The following SAP30BP variants were observed in gnomAD, a reference collection of about 807,000 sequenced individuals.
The protein encoded by SAP30BP is SAP30-binding protein.
SAP30BP carries 31 observed loss-of-function variants against 46.3 expected under a neutral mutation model. The ratio of observed to expected loss-of-function variants is 0.67; its 90% confidence interval spans 0.50 to 0.90. The LOEUF is 0.90. SAP30BP is among the 40% of genes least tolerant of loss of function. The pLI is 0.00. For synonymous variants in SAP30BP, 169 were observed against 144.2 expected (o/e 1.17, Z -1.23); for missense variants, 312 against 391.0 (o/e 0.80, Z 1.70).
At position 75,689,045 on chromosome 17, in the gene SAP30BP, G is replaced by A. The variant is rs187205096; in HGVS notation, c.265-4395G>A. ...GGGTGCAGGCAGAGGAGGAGACCTC[G>A]GCTCAGATTGGTGTCCTCCACCAGC... On this transcript the variant is annotated intron_variant, in intron 3 of 10. Coordinates refer to ENST00000584667, the MANE Select transcript of SAP30BP (RefSeq NM_013260.8). Among the ~76,000 whole-genome samples the A allele has an allele frequency of 3.3e-3, 508 of 152,198 alleles. 4 individuals are homozygous for A. Among genetic ancestry groups the A allele is most frequent in the Non-Finnish European group, 5.1e-3 (345 of 67,994 alleles).
At chr17:75,680,596 A>G (rs934907379) in intron 3 of SAP30BP, among the ~76,000 whole-genome samples, 2 of 152,210 alleles carry the variant, frequency 1.3e-5, no homozygotes, top group Non-Finnish European at 2.9e-5. Flanking sequence ...GCAGTATACA[A>G]TGCACTTGTT....
At chr17:75,690,090 A>T (rs2060220167) in intron 3 of SAP30BP, among the ~76,000 whole-genome samples, 1 of 152,336 alleles carries the variant, frequency 6.6e-6, no homozygotes, top group South Asian at 2.1e-4. Context: ...CATGTAACAG[A>T]CCTGCACATA....
intron 4 of SAP30BP, among the ~76,000 whole-genome samples, chr17:75,696,349 G>A (rs909466811): frequency 1.3e-5 from 2 of 149,852 alleles, no homozygotes; most frequent in African/African-American, 2.5e-5. Context: ...CCTGGCCAGC[G>A]TGGTGAAACC....
intron 3 of SAP30BP, among the ~76,000 whole-genome samples, chr17:75,672,324 G>A (rs559149851): frequency 6.6e-6 from 1 of 152,330 alleles, no homozygotes; most frequent in Admixed American, 6.5e-5. Context: ...CAGGGATGGT[G>A]GGTCTAATGC....
chr17:75,686,332 G>A (rs820223), intron 3 of SAP30BP, among the ~76,000 whole-genome samples: 149,610 of 152,110 alleles, frequency 0.98, 73,634 homozygotes, highest in East Asian at 1. Context: ...CCTGGCTAAC[G>A]AGGTGAAACC....
intron 5 of SAP30BP, among the ~76,000 whole-genome samples, chr17:75,701,062 C>T (rs533315696): frequency 6.6e-6 from 1 of 152,272 alleles, no homozygotes; most frequent in South Asian, 2.1e-4. Flanking sequence ...TCTTCAGTCT[C>T]GGCTGAAGTC....
At position 75,667,342 on chromosome 17, in the gene SAP30BP, G is replaced by T. The variant is rs2059803670; in HGVS notation, c.-31G>T. ...CGGAAGTCGGCGTCTTGAGTCATAG[G>T]AGTGAGCCACGCCCGGGCTGTGGGA... On this transcript the variant is annotated 5_prime_UTR_variant, in exon 1 of 11. Coordinates refer to ENST00000584667, the MANE Select transcript of SAP30BP (RefSeq NM_013260.8). The T allele has an allele frequency of 6.2e-7, 1 of 1,606,752 alleles. No individual in the cohort carries two copies.
At chr17:75,693,325 TC>T (rs2060267129) in intron 3 of SAP30BP, 114 bp from the exon 4 acceptor site, 4 of 840,196 alleles carry the variant, frequency 4.8e-6, no homozygotes, top group Non-Finnish European at 7.9e-6. Context: ...CCCTTAGTGT[TC>T]CTGGCAGTGC....
chr17:75,686,581 A>G (rs820222), intron 3 of SAP30BP, among the ~76,000 whole-genome samples: 148,869 of 152,234 alleles, frequency 0.98, 72,835 homozygotes, highest in East Asian at 1. Flanking sequence ...GAGCCTTCCC[A>G]TCAGCAAGTG....
chr17:75,682,774 C>A (rs8076675), intron 3 of SAP30BP, among the ~76,000 whole-genome samples: 1 of 146,622 alleles, frequency 6.8e-6, no homozygotes, highest in Non-Finnish European at 1.5e-5. Flanking sequence ...CCATCCTGGC[C>A]AACATAGTGA....
chr17:75,706,235 C>A lies in SAP30BP; in HGVS notation c.746-105C>A. On this transcript the variant is annotated intron_variant, in intron 10 of 10. Coordinates refer to ENST00000584667, the MANE Select transcript of SAP30BP (RefSeq NM_013260.8). This position sits in a 1 kb window ranked among gnomAD's most constrained non-coding sequence, Gnocchi z 4.6. ...AAGCACCTTTGGAGTCTGGGGTGGG[C>A]CACTTCGGGGTCTGCTCCCTAGACT... is the stretch of plus-strand genomic sequence containing the variant. 1 of 1,545,458 alleles carries A rather than the reference C, an allele frequency of 6.5e-7. No individual in the cohort carries two copies.
chr17:75,702,864 C>A, intron 6 of SAP30BP: 1 of 317,478 alleles, frequency 3.1e-6, no homozygotes, highest in East Asian at 5.4e-5. Context: ...CCTCTCAAGT[C>A]CCCTGTCCTC....
In SAP30BP at chr17:75,703,834, T is replaced by C. The variant is rs1346676870; in HGVS notation, c.576T>C (p.Ser192=). Residue 192 remains serine (S), a synonymous_variant, in exon 8 of 11, where the codon TCT becomes TCC. Transcript: ENST00000584667. ...PKDMFDPHGW[S]EDSYYEALAK... ...ATATGTTTGATCCCCATGGCTGGTC[T>C]GAGGACTCCTACTATGAGGCATTAG... 1 of 1,613,862 alleles carries C rather than the reference T, an allele frequency of 6.2e-7. No individual in the cohort carries two copies. Among genetic ancestry groups the C allele is most frequent in the African/African-American group, 1.3e-5 (1 of 75,060 alleles).
At chr17:75,696,766 C>CTTTTTTTT (rs34464076) in intron 4 of SAP30BP, among the ~76,000 whole-genome samples, 1 of 100,676 alleles carries the variant, frequency 9.9e-6, no homozygotes. Context: ...CTCCCCTCCT[C>CTTTTTTTT]TTTTTTTTTT....
intron 3 of SAP30BP, chr17:75,691,438 C>T (rs1293319763): frequency 4.6e-5 from 21 of 456,542 alleles, no homozygotes; most frequent in South Asian, 2.5e-4. Flanking sequence ...GCACACACAC[C>T]CCACACTCCT....
chr17:75,696,758 C>A lies in SAP30BP; in HGVS notation c.308-3025C>A, dbSNP rs375560519. Among the ~76,000 whole-genome samples the A allele has an allele frequency of 2.1e-3, 282 of 135,674 alleles. 2 individuals carry two copies. Among genetic ancestry groups the A allele is most frequent in the African/African-American group, 6.9e-3 (265 of 38,480 alleles). The allele number at this position is 135,674 out of a possible 152,430, so 89.0% of individuals were successfully genotyped here. ...TCAAGCCCTGGACTGAGGAGGGGCT[C>A]CCCTCCTCTTTTTTTTTTTTTTTTT... On this transcript the variant is annotated intron_variant, in intron 4 of 10. Transcript: ENST00000584667.
intron 3 of SAP30BP, chr17:75,692,144 G>A: frequency 1.2e-6 from 1 of 801,130 alleles, no homozygotes; most frequent in Non-Finnish European, 1.5e-6. Context: ...ATGAATAGCT[G>A]CAGTGTTCTG....
rs761471638 is a variant in SAP30BP at position 75,671,822 on chromosome 17, G to T, written c.223G>T (p.Asp75Tyr). The T allele has an allele frequency of 6.2e-7, 1 of 1,613,342 alleles. No individual in the cohort carries two copies. The highest frequency in any genetic ancestry group is 1.1e-5 in the South Asian group (1 of 91,042). ...EDENSRQSED[D>Y]DSETEKPEAD... is the part of the protein sequence containing the mutation. ...TAAATTCTTTGTCTTGTAGGAAGATGACGATTCAGAGACTGAAAAACCTGA... is the reference window on the plus strand; with the variant it reads ...TAAATTCTTTGTCTTGTAGGAAGATTACGATTCAGAGACTGAAAAACCTGA... Residue 75 changes from aspartate to tyrosine, a missense_variant, in exon 3 of 11, where the codon GAC (aspartate) becomes TAC (tyrosine). Asp to Tyr is a radical substitution (Grantham distance 160, BLOSUM62 -3). This residue lies in a region of SAP30BP where 296 missense variants were observed against 346.6 expected (regional missense o/e 0.85). Coordinates refer to ENST00000584667, the MANE Select transcript of SAP30BP (RefSeq NM_013260.8).
chr17:75,706,242 G>C lies in SAP30BP; in HGVS notation c.746-98G>C, dbSNP rs553118046. ...TTTGGAGTCTGGGGTGGGCCACTTC[G>C]GGGTCTGCTCCCTAGACTCCCGCTG... On this transcript the variant is annotated intron_variant, in intron 10 of 10. Coordinates refer to ENST00000584667, the MANE Select transcript of SAP30BP (RefSeq NM_013260.8). This position sits in a 1 kb window ranked among gnomAD's most constrained non-coding sequence, Gnocchi z 4.6. 1 of 1,544,240 alleles carries C rather than the reference G, an allele frequency of 6.5e-7. No individual in the cohort carries two copies. Among genetic ancestry groups the C allele is most frequent in the East Asian group, 2.3e-5 (1 of 44,382 alleles).
Sources: allele counts gnomAD v4.1 joint callset (sites outside exome capture counted in the v4.1 genomes callset), GRCh38; gene constraint gnomAD v4.1.1; regional missense constraint gnomAD v4.1.1; non-coding constraint Gnocchi (gnomAD v3.1); transcripts MANE v1.5; gene names NCBI Gene and HGNC (gene_info 2026-07-23, HGNC 2026-07-21).